Variants in BCAT2 observed in about 807,000 individuals in gnomAD.
The protein encoded by BCAT2 is branched-chain-amino-acid aminotransferase, mitochondrial.
BCAT2 carries 44 observed loss-of-function variants against 52.9 expected under a neutral mutation model. The ratio of observed to expected loss-of-function variants is 0.83; its 90% CI spans 0.65 to 1.07. The LOEUF is 1.07. BCAT2 is among the 50% of genes least tolerant of loss of function. The pLI, the probability that BCAT2 is intolerant of heterozygous loss-of-function variation, is 0.00. For synonymous variants in BCAT2, 215 were observed against 217.1 expected (o/e 0.99, Z 0.08); for missense variants, 478 against 521.8 (o/e 0.92, Z 0.82).
In BCAT2 at chr19:48,807,980, G is replaced by A; in HGVS notation, c.25-906C>T. On this transcript the variant is annotated intron_variant, in intron 1 of 10. Coordinates refer to ENST00000316273, the MANE Select transcript of BCAT2 (RefSeq NM_001190.4). The surrounding 1 kb of genome is among the most constrained non-coding windows in gnomAD (Gnocchi z 4.6). The stretch of plus-strand genomic sequence containing the variant: ...GCCTCTTTCCCCAGCCCTGTGGGGA[G>A]GCGTTGGGGCGTGAGGTTGAGAGAG... 1 of 986,044 alleles carries A rather than the reference G, an allele frequency of 1.0e-6. No individual in the cohort carries two copies. Among genetic ancestry groups the A allele is most frequent in the Non-Finnish European group, 1.2e-6 (1 of 830,242 alleles). The allele number at this position is 986,044 out of a possible 1,614,324, so 61.1% of individuals were successfully genotyped here. A position where few individuals can be genotyped will look rare whatever the true frequency, so the allele number is the denominator to read the frequency against.
intron 1 of BCAT2, 147 bp downstream of exon 1, chr19:48,810,837 A>T: frequency 6.7e-7 from 1 of 1,492,438 alleles, no homozygotes; most frequent in Non-Finnish European, 8.9e-7. Context: ...TCCTTTCCAA[A>T]GGGCGCCATC....
At chr19:48,797,950 G>C (rs1215072331) in intron 6 of BCAT2, among the ~76,000 whole-genome samples, 2 of 150,952 alleles carry the variant, frequency 1.3e-5, no homozygotes, top group African/African-American at 4.9e-5. Flanking sequence ...CTGAGTAACT[G>C]GAGTAACTGG....
intron 7 of BCAT2, 35 bp from the exon 8 acceptor site, chr19:48,797,057 C>G (rs775379187): frequency 1.2e-6 from 2 of 1,611,916 alleles, no homozygotes; most frequent in Admixed American, 3.3e-5. Flanking sequence ...GATGTTACCT[C>G]TCACCCCCTA....
Position 48,800,023 on chromosome 19 carries a change from G to T in BCAT2, c.489C>A (p.Ala163=), listed in dbSNP as rs377190765. The change falls in exon 5 of 11, where the codon GCC becomes GCA. Residue 163 remains alanine, a synonymous_variant. Coordinates refer to ENST00000316273, the MANE Select transcript of BCAT2 (RefSeq NM_001190.4). ...CAGGCCGCACATAGAGGCTGGTGCC[G>T]GCGGCATCGGGGACCCAGTCCTTGT... ...EVDKDWVPDA[A]GTSLYVRPVL... 1.8e-4 allele frequency: 293 copies of T among 1,613,570 alleles called. No individual in the cohort carries two copies. Among genetic ancestry groups the T allele is most frequent in the Middle Eastern group, 1.2e-3 (7 of 6,060 alleles).
chr19:48,807,636 A>G lies in BCAT2; in HGVS notation c.25-562T>C. On this transcript the variant is annotated intron_variant, in intron 1 of 10. Coordinates refer to ENST00000316273, the MANE Select transcript of BCAT2 (RefSeq NM_001190.4). The surrounding 1 kb of genome is among the most constrained non-coding windows in gnomAD (Gnocchi z 4.6). ...ACCCTCCTCCCTTACATCCAGGAGT[A>G]CAGGCCCCACCCCTCCTCCCTCAGA... is the stretch of plus-strand genomic sequence containing the variant. 2.4e-6 allele frequency: 2 copies of G among 840,636 alleles called. No homozygotes were observed. The highest frequency in any genetic ancestry group is 2.9e-6 in the Non-Finnish European group (2 of 696,824). 52.1% of individuals were successfully genotyped at this position (840,636 alleles called of 1,614,324 possible).
In BCAT2 at chr19:48,807,726, A is replaced by T; in HGVS notation, c.25-652T>A. On this transcript the variant is annotated intron_variant, in intron 1 of 10. Coordinates refer to ENST00000316273, the MANE Select transcript of BCAT2 (RefSeq NM_001190.4). The surrounding 1 kb of genome is among the most constrained non-coding windows in gnomAD (Gnocchi z 4.6). The stretch of plus-strand genomic sequence containing the variant: ...CAGGAGTACAGGTGCTTATTCTCTG[A>T]AGGTATTCGATCAACTGGGCTCTGA... 2 of 986,558 alleles carry T rather than the reference A, an allele frequency of 2.0e-6. No individual in the cohort carries two copies. The highest frequency in any genetic ancestry group is 2.4e-6 in the Non-Finnish European group (2 of 830,134). The allele number at this position is 986,558 out of a possible 1,614,324, so 61.1% of individuals were successfully genotyped here.
chr19:48,797,004 G>C lies in BCAT2; in HGVS notation c.857C>G (p.Pro286Arg), dbSNP rs1425952879. Reference sequence around the variant, plus strand: ...AGGCAGGATAACACCATTCAGCGGGGGCGTCACCAGCTCCAGCACTAGGGC... The same window carrying C: ...AGGCAGGATAACACCATTCAGCGGGCGCGTCACCAGCTCCAGCACTAGGGC... ...HEDGVLELVT[P>R]PLNGVILPGV... is the part of the protein sequence containing the mutation. Residue 286 changes from proline to arginine, a missense_variant, in exon 8 of 11, where the codon CCC becomes CGC. Pro to Arg is a moderately radical substitution (Grantham distance 103). Transcript: ENST00000316273. The C allele has an allele frequency of 6.2e-7, 1 of 1,614,032 alleles. No individual in the cohort carries two copies. The highest frequency in any genetic ancestry group is 1.3e-5 in the African/African-American group (1 of 74,910).
intron 10 of BCAT2, chr19:48,796,036 G>A: frequency 2.6e-6 from 1 of 385,632 alleles, no homozygotes; most frequent in Non-Finnish European, 4.7e-6. Flanking sequence ...TCATGGAAAG[G>A]GCCTTTCTCC....
At chr19:48,808,911 A>T (rs1161858850) in intron 1 of BCAT2, among the ~76,000 whole-genome samples, 1 of 151,792 alleles carries the variant, frequency 6.6e-6, no homozygotes, top group Non-Finnish European at 1.5e-5. Context: ...CTGTCTCTAC[A>T]AACAATTTAA....
chr19:48,800,058 T>C lies in BCAT2; in HGVS notation c.454A>G (p.Ile152Val). The change falls in exon 5 of 11, where the codon ATC becomes GTC. Residue 152 changes from isoleucine to valine, a missense_variant. Transcript: ENST00000316273. ...LELLECIRRL[I>V]EVDKDWVPDA... ...GGGACCCAGTCCTTGTCCACTTCGA[T>C]GAGCCGGCGGATGCACTCCAGCAAC... is the stretch of plus-strand genomic sequence containing the variant. The C allele has an allele frequency of 1.2e-6, 2 of 1,614,032 alleles. No individual in the cohort carries two copies. The highest frequency in any genetic ancestry group is 1.7e-6 in the Non-Finnish European group (2 of 1,179,944).
Position 48,807,734 on chromosome 19 carries a change from C to T in BCAT2, c.25-660G>A, listed in dbSNP as rs565659243. ...CAGGTGCTTATTCTCTGAAGGTATT[C>T]GATCAACTGGGCTCTGATTACCTGA... is the stretch of plus-strand genomic sequence containing the variant. On this transcript the variant is annotated intron_variant, in intron 1 of 10. Transcript: ENST00000316273. The surrounding 1 kb of genome is among the most constrained non-coding windows in gnomAD (Gnocchi z 4.6). 1.8e-3 allele frequency: 1,775 copies of T among 986,494 alleles called. 1 individual carries two copies. Among genetic ancestry groups the T allele is most frequent in the Non-Finnish European group, 2.0e-3 (1,669 of 830,116 alleles). 61.1% of individuals were successfully genotyped at this position (986,494 alleles called of 1,614,324 possible).
chr19:48,803,542 A>G (rs938474397), intron 3 of BCAT2, among the ~76,000 whole-genome samples: 1 of 151,780 alleles, frequency 6.6e-6, no homozygotes, highest in African/African-American at 2.4e-5. Flanking sequence ...AAAGAGTCAT[A>G]ACAACAACAA....
chr19:48,797,363 C>T (rs1368112934), intron 6 of BCAT2, 30 bp from the exon 7 acceptor site: 1 of 1,612,300 alleles, frequency 6.2e-7, no homozygotes, highest in Admixed American at 1.7e-5. Flanking sequence ...TTGGGTGGGG[C>T]AAGGGAGCCC....
chr19:48,795,484 G>C lies in BCAT2; in HGVS notation c.1141-20C>G, dbSNP rs772932131. The C allele has an allele frequency of 1.9e-6, 3 of 1,613,526 alleles. No homozygotes were observed. Among genetic ancestry groups the C allele is most frequent in the Middle Eastern group, 1.6e-4 (1 of 6,062 alleles). On this transcript the variant is annotated intron_variant, in intron 10 of 10. Coordinates refer to ENST00000316273, the MANE Select transcript of BCAT2 (RefSeq NM_001190.4). ...TCCGTACTGCGGAACAACGGAGGCA[G>C]TGCGTGAGGTGGAAGCTGCACTACA...
chr19:48,796,942 T>C lies in BCAT2; in HGVS notation c.919A>G (p.Thr307Ala), dbSNP rs1168781769. ...AGAAGATGCCATGTCCTCACCCAGG[T>C]CTGAGCCATGTCCAGTAGACTCTGT... ...VRQSLLDMAQTWGEFRVVERT... is the reference protein window; with the variant it reads ...VRQSLLDMAQAWGEFRVVERT... The change falls in exon 8 of 11, where the codon ACC becomes GCC. Residue 307 changes from threonine (T) to alanine (A), a missense_variant. By Grantham distance (58) the Thr-to-Ala change is moderately conservative. Coordinates refer to ENST00000316273, the MANE Select transcript of BCAT2 (RefSeq NM_001190.4). The C allele has an allele frequency of 1.9e-6, 3 of 1,614,124 alleles. No individual in the cohort carries two copies. The highest frequency in any genetic ancestry group is 2.5e-6 in the Non-Finnish European group (3 of 1,179,996).
At chr19:48,806,809 G>C (rs916324069) in intron 2 of BCAT2, 92 bp from the exon 3 acceptor site, 33 of 1,494,890 alleles carry the variant, frequency 2.2e-5, no homozygotes, top group Middle Eastern at 1.7e-4. Flanking sequence ...CAGACCCATA[G>C]AGAAGAAGGA....
chr19:48,800,164 C>G (rs750963450), intron 4 of BCAT2, 23 bp downstream of exon 4: 9 of 1,612,706 alleles, frequency 5.6e-6, no homozygotes, highest in Middle Eastern at 3.3e-4. Flanking sequence ...TCCTCCCCAC[C>G]CCGGTGGACC....
chr19:48,804,360 A>G (rs4802509), intron 3 of BCAT2, among the ~76,000 whole-genome samples: 12,130 of 151,876 alleles, frequency 0.08, 648 homozygotes, highest in African/African-American at 0.14. Context: ...CCTGGCCAAC[A>G]TGGTGAAACC....
At chr19:48,810,760 C>A in intron 1 of BCAT2, 1 of 1,312,104 alleles carries the variant, frequency 7.6e-7, no homozygotes, top group Non-Finnish European at 9.9e-7. Context: ...TTTTACCTCC[C>A]CGCCAATTAC....
Sources: gnomAD v4.1 joint callset for allele counts (sites outside exome capture counted in the v4.1 genomes callset) on GRCh38, gnomAD v4.1.1 for gene constraint, Gnocchi (gnomAD v3.1) non-coding constraint, MANE v1.5 for transcripts, NCBI Gene and HGNC (gene_info 2026-07-23, HGNC 2026-07-21) for gene names.